Variants in PFDN1 observed in about 807,000 individuals in gnomAD.
The protein encoded by PFDN1 is prefoldin 1.
Under a neutral mutation model 17.3 loss-of-function variants are expected in PFDN1, and 6 were observed. That is an observed-to-expected ratio of 0.35 (90% CI 0.19 to 0.69). The LOEUF is 0.69. PFDN1 is among the 30% of genes least tolerant of loss of function. PFDN1 has a pLI of 0.65. For missense variants in PFDN1, 113 were observed against 146.2 expected, an observed-to-expected ratio of 0.77 and a Z score of 1.17; for synonymous variants, 58 against 50.1, an observed-to-expected ratio of 1.16 and a Z score of -0.67.
chr5:140,289,950 C>G (rs1765555386), intron 2 of PFDN1, among the ~76,000 whole-genome samples: 1 of 152,160 alleles, frequency 6.6e-6, no homozygotes, highest in Non-Finnish European at 1.5e-5. Flanking sequence ...TTACTAACCT[C>G]CTGAATAGCT....
At chr5:140,250,148 A>G (rs1764892243) in intron 3 of PFDN1, among the ~76,000 whole-genome samples, 2 of 152,076 alleles carry the variant, frequency 1.3e-5, no homozygotes. Context: ...GATTTCAACA[A>G]AGACTTTAGG....
chr5:140,275,828 C>G (rs1452703817), intron 3 of PFDN1, among the ~76,000 whole-genome samples: 1 of 152,062 alleles, frequency 6.6e-6, no homozygotes, highest in Non-Finnish European at 1.5e-5. Context: ...GAAGCATACT[C>G]GGTGGGCCAA....
rs1302885904 is a variant in PFDN1, at chr5:140,300,321, T to C, written c.200+95A>G. 7 of 939,524 alleles carry C rather than the reference T, an allele frequency of 7.5e-6. No individual in the cohort carries two copies. The African/African-American group carries it at 8.2e-5, about 11-fold the overall frequency. 58.2% of individuals were successfully genotyped at this position (939,524 alleles called of 1,614,324 possible). On this transcript the variant is annotated intron_variant, in intron 2 of 3. Coordinates refer to ENST00000261813, the MANE Select transcript of PFDN1 (RefSeq NM_002622.5). ...CAGGATTACAGGCATGAGCCACCAC[T>C]CCTGGCCTAACCCAAGTTTTAAGAT...
chr5:140,277,122 T>C (rs1054200268), intron 3 of PFDN1, among the ~76,000 whole-genome samples: 1 of 151,584 alleles, frequency 6.6e-6, no homozygotes, highest in Non-Finnish European at 1.5e-5. Context: ...CTCAGGAGGC[T>C]GAGGCAGGCA....
chr5:140,255,883 T>G (rs568756613), intron 3 of PFDN1, among the ~76,000 whole-genome samples: 1 of 152,286 alleles, frequency 6.6e-6, no homozygotes, highest in South Asian at 2.1e-4. Flanking sequence ...CTAAGGCAGC[T>G]GCCTCCCCTG....
At position 140,264,020 on chromosome 5, in the gene PFDN1, C is replaced by CAAAA. The variant is rs58605224; in HGVS notation, c.285+17425_285+17428dup. The stretch of plus-strand genomic sequence containing the variant: ...TGGGGGTCAGAGTGAGACTCCATCT[C>CAAAA]AAAAAAAAAAAAAAAAAAAAAAAAA... On this transcript the variant is annotated intron_variant, in intron 3 of 3. Coordinates refer to ENST00000261813, the MANE Select transcript of PFDN1 (RefSeq NM_002622.5). Among the ~76,000 whole-genome samples, 84 of 55,578 alleles carry CAAAA rather than the reference C, an allele frequency of 1.5e-3. 19 individuals carry two copies. The highest frequency in any genetic ancestry group is 0.021 in the Middle Eastern group (2 of 96). The allele number at this position is 55,578 out of a possible 152,430, so 36.5% of individuals were successfully genotyped here.
chr5:140,256,323 T>C (rs1764984875), intron 3 of PFDN1, among the ~76,000 whole-genome samples: 2 of 152,002 alleles, frequency 1.3e-5, no homozygotes, highest in South Asian at 4.1e-4. Flanking sequence ...GATGTTGCAG[T>C]GAGCTGAGAT....
chr5:140,290,726 A>G (rs1467503632), intron 2 of PFDN1, among the ~76,000 whole-genome samples: 1 of 152,238 alleles, frequency 6.6e-6, no homozygotes, highest in African/African-American at 2.4e-5. Context: ...AATGTTCTTT[A>G]TCGTGACTGG....
At chr5:140,294,055 C>T (rs1278235391) in intron 2 of PFDN1, among the ~76,000 whole-genome samples, 2 of 152,050 alleles carry the variant, frequency 1.3e-5, no homozygotes, top group African/African-American at 4.8e-5. Flanking sequence ...AAAAAGTAAT[C>T]TCATCTTACT....
intron 3 of PFDN1, among the ~76,000 whole-genome samples, chr5:140,278,844 G>A (rs1473525383): frequency 1.3e-5 from 2 of 152,154 alleles, no homozygotes; most frequent in Non-Finnish European, 2.9e-5. Context: ...ATGTGGGGGT[G>A]TGCTGAAGTA....
chr5:140,286,971 C>T (rs944616819), intron 2 of PFDN1, among the ~76,000 whole-genome samples: 2 of 152,110 alleles, frequency 1.3e-5, no homozygotes, highest in Non-Finnish European at 2.9e-5. Flanking sequence ...AGGTTAAATA[C>T]CTTGCCCAGC....
At chr5:140,273,422 C>T (rs2126687524) in intron 3 of PFDN1, among the ~76,000 whole-genome samples, 1 of 152,180 alleles carries the variant, frequency 6.6e-6, no homozygotes, top group East Asian at 1.9e-4. Context: ...CAGTCACCAC[C>T]CATGCGATGG....
intron 2 of PFDN1, among the ~76,000 whole-genome samples, chr5:140,297,062 G>A (rs1765665057): frequency 6.6e-6 from 1 of 152,258 alleles, no homozygotes; most frequent in African/African-American, 2.4e-5. Flanking sequence ...ACAGAATGAA[G>A]GCAGGAAGAA....
intron 3 of PFDN1, among the ~76,000 whole-genome samples, chr5:140,275,897 T>A (rs1346714831): frequency 1.3e-5 from 2 of 152,066 alleles, no homozygotes; most frequent in African/African-American, 4.8e-5. Context: ...CCAACCAATA[T>A]GAACCTTACT....
At position 140,293,280 on chromosome 5, in the gene PFDN1, C is replaced by A. The variant is rs144527281; in HGVS notation, c.200+7136G>T. 2.0e-3 allele frequency: 295 copies of A among 147,612 alleles called. 1 individual carries two copies. Among genetic ancestry groups the A allele is most frequent in the African/African-American group, 7.2e-3 (287 of 40,034 alleles). 9.1% of individuals were successfully genotyped at this position (147,612 alleles called of 1,614,324 possible). ...CAAATGACTGCTACTTTTCATACAA[C>A]AAAGGCTGATTTTGTTTAATCCTTT... On this transcript the variant is annotated intron_variant, in intron 2 of 3. Transcript: ENST00000261813.
intron 3 of PFDN1, among the ~76,000 whole-genome samples, chr5:140,248,137 C>T (rs1764859184): frequency 6.6e-6 from 1 of 150,456 alleles, no homozygotes; most frequent in Non-Finnish European, 1.5e-5. Flanking sequence ...GGCGCCATCT[C>T]GGCTCACTGC....
At chr5:140,247,417 G>T (rs766707131) in intron 3 of PFDN1, among the ~76,000 whole-genome samples, 3 of 152,036 alleles carry the variant, frequency 2.0e-5, no homozygotes, top group Non-Finnish European at 4.4e-5. Flanking sequence ...TGGCATTACA[G>T]GCGTGAGCCA....
chr5:140,258,102 G>A (rs962305717), intron 3 of PFDN1, among the ~76,000 whole-genome samples: 6 of 152,188 alleles, frequency 3.9e-5, no homozygotes, highest in Non-Finnish European at 5.9e-5. Context: ...GAGTCAGATC[G>A]TGTGGGGTCT....
chr5:140,278,668 T>A (rs561689468), intron 3 of PFDN1, among the ~76,000 whole-genome samples: 1 of 150,548 alleles, frequency 6.6e-6, no homozygotes, highest in South Asian at 2.1e-4. Context: ...TCTCTAAATA[T>A]CACTGCCCAC....
Sources: allele counts gnomAD v4.1 joint callset (sites outside exome capture counted in the v4.1 genomes callset), GRCh38; gene constraint gnomAD v4.1.1; transcripts MANE v1.5; gene names NCBI Gene and HGNC (gene_info 2026-07-23, HGNC 2026-07-21).